SGCZ: variants seen among roughly 807,000 people sequenced by gnomAD.
The protein encoded by SGCZ is sarcoglycan zeta.
In SGCZ, 40 loss-of-function variants were observed where a neutral mutation model predicts 41.3. The ratio of observed to expected loss-of-function variants is 0.97; its 90% CI spans 0.75 to 1.26. The LOEUF (loss-of-function observed/expected upper bound fraction) is 1.26, where lower values mean the gene tolerates loss of function less well. SGCZ is among the 50% of genes most tolerant of loss of function. The pLI, the probability that SGCZ is intolerant of heterozygous loss-of-function variation, is 0.00. For synonymous variants in SGCZ, 206 were observed against 137.5 expected (o/e 1.50, Z -3.49); for missense variants, 552 against 369.8 (o/e 1.49, Z -4.04).
At chr8:14,183,318 T>C (rs1270236865) in intron 4 of SGCZ, among the ~76,000 whole-genome samples, 3 of 151,876 alleles carry the variant, frequency 2.0e-5, no homozygotes, top group African/African-American at 2.4e-5. Context: ...ACACAGATTC[T>C]AGGTTTTCAG....
chr8:14,142,281 C>T (rs1175160744), intron 5 of SGCZ, among the ~76,000 whole-genome samples: 1 of 151,982 alleles, frequency 6.6e-6, no homozygotes, highest in Non-Finnish European at 1.5e-5. Flanking sequence ...CATACCTGCC[C>T]ATTGTGCAGA....
intron 1 of SGCZ, among the ~76,000 whole-genome samples, chr8:14,707,354 A>T: frequency 6.6e-6 from 1 of 152,046 alleles, no homozygotes; most frequent in East Asian, 1.9e-4. Flanking sequence ...AGAAAATTTA[A>T]CAAACGATGT....
At chr8:14,764,251 C>A (rs990476243) in intron 1 of SGCZ, among the ~76,000 whole-genome samples, 2 of 152,136 alleles carry the variant, frequency 1.3e-5, no homozygotes, top group African/African-American at 4.8e-5. Flanking sequence ...TAAAATCACC[C>A]TTTGGAAAGC....
intron 1 of SGCZ, among the ~76,000 whole-genome samples, chr8:14,631,125 T>C (rs1307140866): frequency 6.6e-6 from 1 of 152,034 alleles, no homozygotes; most frequent in Non-Finnish European, 1.5e-5. Context: ...CCCAACTCAA[T>C]ATGTAAGAAG....
chr8:15,059,699 T>G (rs929868366), intron 1 of SGCZ, among the ~76,000 whole-genome samples: 3 of 152,224 alleles, frequency 2.0e-5, no homozygotes, highest in Non-Finnish European at 4.4e-5. Context: ...ATTGAATTTC[T>G]GAACATAATG....
chr8:15,208,588 A>G (rs1048796875), intron 1 of SGCZ, among the ~76,000 whole-genome samples: 2 of 152,206 alleles, frequency 1.3e-5, no homozygotes, highest in African/African-American at 4.8e-5. Context: ...AATGATAATT[A>G]TCTCACTGAA....
intron 1 of SGCZ, among the ~76,000 whole-genome samples, chr8:15,172,167 T>TATTTATTTTATTTTATTTTATTTA (rs1445609095): frequency 3.2e-4 from 42 of 132,454 alleles, no homozygotes; most frequent in African/African-American, 1.2e-3. Flanking sequence ...TTTTTTTTTT[T>TATTTATTTTATTTTATTTTATTTA]TTTTTTTTTT....
intron 1 of SGCZ, among the ~76,000 whole-genome samples, chr8:14,838,331 T>C (rs1041985757): frequency 3.9e-5 from 6 of 152,206 alleles, no homozygotes; most frequent in African/African-American, 1.2e-4. Context: ...TCTCTGGCTA[T>C]TGAGAGACTG....
At chr8:15,194,302 T>C (rs1276379464) in intron 1 of SGCZ, among the ~76,000 whole-genome samples, 1 of 152,006 alleles carries the variant, frequency 6.6e-6, no homozygotes, top group African/African-American at 2.4e-5. Context: ...TAAAAGGTTG[T>C]GCCTATGTAA....
chr8:14,132,079 A>G (rs1407645799), intron 5 of SGCZ, among the ~76,000 whole-genome samples: 1 of 152,110 alleles, frequency 6.6e-6, no homozygotes, highest in Non-Finnish European at 1.5e-5. Flanking sequence ...CATGATACAT[A>G]TATTGGTCCA....
At chr8:14,669,651 C>G (rs1454134270) in intron 1 of SGCZ, among the ~76,000 whole-genome samples, 7 of 151,672 alleles carry the variant, frequency 4.6e-5, no homozygotes, top group African/African-American at 7.3e-5. Context: ...AATGGCAGCA[C>G]TTGCTTCTGT....
rs542817526 is a variant in SGCZ at position 14,417,213 on chromosome 8, A to T, written c.235-93009T>A. Reference sequence around the variant, plus strand: ...TGGAAGAAGTGTGAATGCTGACCTAAGCGATCTTCAACTCAGTTCGTAGTG... The same window carrying T: ...TGGAAGAAGTGTGAATGCTGACCTATGCGATCTTCAACTCAGTTCGTAGTG... On this transcript the variant is annotated intron_variant, in intron 2 of 7. Transcript: ENST00000382080. Among the ~76,000 whole-genome samples, 189 of 152,038 alleles carry T rather than the reference A, an allele frequency of 1.2e-3. 1 individual carries two copies. Among genetic ancestry groups the T allele is most frequent in the African/African-American group, 3.8e-3 (158 of 41,544 alleles).
chr8:14,246,599 G>GA (rs71209032), intron 3 of SGCZ, among the ~76,000 whole-genome samples: 30,584 of 145,554 alleles, frequency 0.21, 3,239 homozygotes, highest in East Asian at 0.28. Context: ...AGTATAATAA[G>GA]AAAAAAAAAA....
chr8:14,763,989 G>C (rs1164039766), intron 1 of SGCZ, among the ~76,000 whole-genome samples: 1 of 152,160 alleles, frequency 6.6e-6, no homozygotes, highest in Non-Finnish European at 1.5e-5. Context: ...TCAGATGGGA[G>C]TTTCTAAATG....
intron 2 of SGCZ, among the ~76,000 whole-genome samples, chr8:14,475,377 T>C (rs1460166495): frequency 6.6e-6 from 1 of 152,156 alleles, no homozygotes; most frequent in Non-Finnish European, 1.5e-5. Flanking sequence ...GTAATTTGTA[T>C]ATGAAAGTAG....
At chr8:14,152,687 A>C (rs1803748658) in intron 5 of SGCZ, among the ~76,000 whole-genome samples, 2 of 152,216 alleles carry the variant, frequency 1.3e-5, no homozygotes, top group Admixed American at 6.5e-5. Context: ...TATTTATCTC[A>C]GATAAAGAAA....
intron 1 of SGCZ, among the ~76,000 whole-genome samples, chr8:14,980,546 T>C (rs1204463296): frequency 6.6e-6 from 1 of 152,204 alleles, no homozygotes; most frequent in African/African-American, 2.4e-5. Flanking sequence ...TGGTTCCATG[T>C]GGCTGAGGAA....
At chr8:14,696,957 T>C (rs1187981684) in intron 1 of SGCZ, among the ~76,000 whole-genome samples, 1 of 123,948 alleles carries the variant, frequency 8.1e-6, no homozygotes, top group Non-Finnish European at 1.6e-5. Context: ...TCTATGTTGA[T>C]AAAGTTAAAA....
intron 1 of SGCZ, among the ~76,000 whole-genome samples, chr8:14,751,817 G>A (rs1799506223): frequency 0.026 from 1 of 38 alleles, no homozygotes; most frequent in Non-Finnish European, 0.038. Context: ...CAAAGTGCTA[G>A]GATTACAGGT....
Sources: gnomAD v4.1 joint callset for allele counts (sites outside exome capture counted in the v4.1 genomes callset) on GRCh38, gnomAD v4.1.1 for gene constraint, MANE v1.5 for transcripts, NCBI Gene and HGNC (gene_info 2026-07-23, HGNC 2026-07-21) for gene names.